CPNE8: variants seen among roughly 807,000 people sequenced by gnomAD.
CPNE8 encodes the protein copine 8.
In CPNE8, 45 loss-of-function variants were observed where a neutral mutation model predicts 81.5. That is an observed-to-expected ratio of 0.55 (90% CI 0.44 to 0.71). The LOEUF (loss-of-function observed/expected upper bound fraction) is 0.71. CPNE8 is among the 30% of genes least tolerant of loss of function. CPNE8 has a pLI of 0.00. For synonymous variants in CPNE8, 252 were observed against 226.3 expected (o/e 1.11, Z -1.02); for missense variants, 594 against 672.1 (o/e 0.88, Z 1.28).
intron 10 of CPNE8, among the ~76,000 whole-genome samples, chr12:38,733,950 C>T (rs1027385656): frequency 6.6e-6 from 1 of 151,964 alleles, no homozygotes; most frequent in African/African-American, 2.4e-5. Flanking sequence ...GTATTACTCC[C>T]TTATATCACT....
Position 38,807,858 on chromosome 12 carries a change from A to C in CPNE8, c.407+21521T>G, listed in dbSNP as rs1441466046. Among the ~76,000 whole-genome samples, 257 of 151,292 alleles carry C rather than the reference A, an allele frequency of 1.7e-3. 2 individuals carry two copies. The highest frequency in any genetic ancestry group is 5.6e-3 in the African/African-American group (227 of 40,728). ...AAATTTTCGCAACCTACTCATCTGA[A>C]AAAGGGCTAATATCCAGAATCTACA... On this transcript the variant is annotated intron_variant, in intron 6 of 19. Coordinates refer to ENST00000331366, the MANE Select transcript of CPNE8 (RefSeq NM_153634.3).
rs572987474 is a variant in CPNE8, at chr12:38,794,633, T to TA, written c.408-18333_408-18332insT. Among the ~76,000 whole-genome samples, 678 of 146,972 alleles carry TA rather than the reference T, an allele frequency of 4.6e-3. 6 individuals carry two copies. The highest frequency in any genetic ancestry group is 0.017 in the African/African-American group (647 of 38,930). On this transcript the variant is annotated intron_variant, in intron 6 of 19. Transcript: ENST00000331366. Reference sequence around the variant, plus strand: ...TCATAGCCATGAGGATAACTACTATTTAAAAAAAAACTACTATAAAAAAAA... The same window carrying TA: ...TCATAGCCATGAGGATAACTACTATTATAAAAAAAAACTACTATAAAAAAAA...
chr12:38,729,165 G>C (rs1440940080), intron 11 of CPNE8, among the ~76,000 whole-genome samples: 1 of 152,058 alleles, frequency 6.6e-6, no homozygotes, highest in Non-Finnish European at 1.5e-5. Context: ...GTGTGCATGT[G>C]TGGTTCTTCC....
chr12:38,705,426 T>C (rs2136697428), intron 13 of CPNE8, among the ~76,000 whole-genome samples: 1 of 152,294 alleles, frequency 6.6e-6, no homozygotes, highest in South Asian at 2.1e-4. Flanking sequence ...CCTTTCTTGC[T>C]TATATTTAAC....
chr12:38,732,633 A>G (rs1195487945), intron 10 of CPNE8, among the ~76,000 whole-genome samples: 1 of 151,904 alleles, frequency 6.6e-6, no homozygotes, highest in Non-Finnish European at 1.5e-5. Flanking sequence ...GTGGTTAGAG[A>G]GCTTACAGCT....
In CPNE8 at chr12:38,734,754, T is replaced by A. The variant is rs920087301; in HGVS notation, c.723-4396A>T. Reference sequence around the variant, plus strand: ...AGTGTTTAACTTATCAAAAAGTCACTTCTAGAATACAATCTAATTATGAAG... The same window carrying A: ...AGTGTTTAACTTATCAAAAAGTCACATCTAGAATACAATCTAATTATGAAG... On this transcript the variant is annotated intron_variant, in intron 10 of 19. Coordinates refer to ENST00000331366, the MANE Select transcript of CPNE8 (RefSeq NM_153634.3). Among the ~76,000 whole-genome samples the A allele has an allele frequency of 2.6e-5, 4 of 152,180 alleles. No homozygotes were observed. The South Asian group carries it at 8.3e-4, about 31-fold the overall frequency.
At chr12:38,659,843 A>G (rs1218065017) in intron 19 of CPNE8, among the ~76,000 whole-genome samples, 1 of 152,228 alleles carries the variant, frequency 6.6e-6, no homozygotes, top group Non-Finnish European at 1.5e-5. Context: ...GGGCCAAATC[A>G]TGAGTGAACT....
intron 8 of CPNE8, among the ~76,000 whole-genome samples, chr12:38,767,310 A>G (rs1941709881): frequency 6.6e-6 from 1 of 152,114 alleles, no homozygotes; most frequent in Admixed American, 6.5e-5. Context: ...TTTTGGTTCA[A>G]ATCTGTAACA....
At chr12:38,902,182 AAAAAG>A (rs1330704246) in intron 1 of CPNE8, among the ~76,000 whole-genome samples, 1 of 150,396 alleles carries the variant, frequency 6.6e-6, no homozygotes, top group Non-Finnish European at 1.5e-5. Flanking sequence ...AGGAAAGAGA[AAAAAG>A]AAAAGAGAAA....
rs1052309212 is a variant in CPNE8, at chr12:38,755,991, G to GATC, written c.722+4853_722+4855dup. On this transcript the variant is annotated intron_variant, in intron 10 of 19. Coordinates refer to ENST00000331366, the MANE Select transcript of CPNE8 (RefSeq NM_153634.3). ...GGAGGCGGAGCTTGCAGTGAGCCGA[G>GATC]ATCCCGCCACTGCACTCCAGCCTGG... Among the ~76,000 whole-genome samples the GATC allele has an allele frequency of 5.9e-4, 76 of 127,822 alleles. No homozygotes were observed. The East Asian group carries it at 0.013, about 22-fold the overall frequency. 83.9% of individuals were successfully genotyped at this position (127,822 alleles called of 152,430 possible).
intron 6 of CPNE8, among the ~76,000 whole-genome samples, chr12:38,807,877 A>G (rs1942848316): frequency 1.3e-5 from 2 of 152,102 alleles, no homozygotes; most frequent in South Asian, 2.1e-4. Context: ...AATATCCAGA[A>G]TCTACAATGA....
intron 4 of CPNE8, among the ~76,000 whole-genome samples, chr12:38,840,660 G>T (rs1159863933): frequency 6.6e-6 from 1 of 152,090 alleles, no homozygotes; most frequent in Non-Finnish European, 1.5e-5. Context: ...TAAATTGGCT[G>T]CAGTAATGAG....
chr12:38,873,176 C>A (rs1281476878), intron 2 of CPNE8, 126 bp from the exon 3 acceptor site: 4 of 579,678 alleles, frequency 6.9e-6, no homozygotes, highest in Non-Finnish European at 1.2e-5. Flanking sequence ...CCTAGACTTA[C>A]CCTTGCAAAA....
intron 5 of CPNE8, among the ~76,000 whole-genome samples, chr12:38,839,418 C>A (rs956185979): frequency 6.6e-6 from 1 of 151,930 alleles, no homozygotes; most frequent in Non-Finnish European, 1.5e-5. Context: ...CTATAAGTGA[C>A]TTGAGGACAG....
chr12:38,809,789 T>G (rs1185408404), intron 6 of CPNE8, among the ~76,000 whole-genome samples: 1 of 152,220 alleles, frequency 6.6e-6, no homozygotes, highest in African/African-American at 2.4e-5. Flanking sequence ...GTTGGGGCTC[T>G]GTATATAATC....
At chr12:38,843,494 C>G (rs1257696604) in intron 4 of CPNE8, among the ~76,000 whole-genome samples, 1 of 152,078 alleles carries the variant, frequency 6.6e-6, no homozygotes, top group South Asian at 2.1e-4. Flanking sequence ...TAAAGTATGG[C>G]TCCAAAATCT....
chr12:38,777,816 G>T (rs1235309062), intron 6 of CPNE8, among the ~76,000 whole-genome samples: 1 of 152,150 alleles, frequency 6.6e-6, no homozygotes, highest in Non-Finnish European at 1.5e-5. Flanking sequence ...GAGATGAGTG[G>T]CAGGCACCAG....
intron 8 of CPNE8, among the ~76,000 whole-genome samples, chr12:38,764,355 C>T (rs1941634184): frequency 6.6e-6 from 1 of 151,984 alleles, no homozygotes. Flanking sequence ...CAGTAGCTCA[C>T]GCCTGTAATC....
chr12:38,844,111 C>T (rs907998948), intron 4 of CPNE8, among the ~76,000 whole-genome samples: 6 of 152,104 alleles, frequency 3.9e-5, no homozygotes, highest in South Asian at 2.1e-4. Flanking sequence ...TGTTGAGATC[C>T]ATCTAAAATA....
Sources: gnomAD v4.1 joint callset for allele counts (sites outside exome capture counted in the v4.1 genomes callset) on GRCh38, gnomAD v4.1.1 for gene constraint, MANE v1.5 for transcripts, NCBI Gene and HGNC (gene_info 2026-07-23, HGNC 2026-07-21) for gene names.